The following SKAP1 variants were observed in gnomAD, a reference collection of about 807,000 sequenced individuals.
SKAP1 encodes src kinase associated phosphoprotein 1.
Under a neutral mutation model 58.5 loss-of-function variants are expected in SKAP1, and 44 were observed. The observed-to-expected ratio is 0.75, with a 90% CI of 0.59 to 0.97. SKAP1 has a LOEUF of 0.97. Among genes scored for constraint, SKAP1 ranks in the 50% least tolerant of loss-of-function variants. The pLI is 0.00. For missense variants in SKAP1, 390 were observed against 435.2 expected (o/e 0.90, Z 0.92); for synonymous variants, 127 against 149.7 (o/e 0.85, Z 1.11).
intron 2 of SKAP1, among the ~76,000 whole-genome samples, chr17:48,395,601 T>C (rs1009341865): frequency 5.3e-5 from 8 of 152,222 alleles, no homozygotes; most frequent in Non-Finnish European, 8.8e-5. Context: ...TTTTAAACAC[T>C]CTTTCAACCT....
chr17:48,245,793 G>A (rs1166080212), intron 4 of SKAP1, among the ~76,000 whole-genome samples: 1 of 152,046 alleles, frequency 6.6e-6, no homozygotes, highest in Non-Finnish European at 1.5e-5. Flanking sequence ...CTGGCCAACA[G>A]GGTGAAACCC....
chr17:48,185,473 G>C (rs1348061859), intron 6 of SKAP1, among the ~76,000 whole-genome samples: 1 of 152,070 alleles, frequency 6.6e-6, no homozygotes, highest in African/African-American at 2.4e-5. Context: ...AAAGGAAAAG[G>C]ACCATAAGTG....
chr17:48,169,566 C>T (rs1165966095), intron 10 of SKAP1, among the ~76,000 whole-genome samples: 4 of 152,254 alleles, frequency 2.6e-5, no homozygotes, highest in African/African-American at 9.6e-5. Context: ...CTTTCTTTCT[C>T]TCCTGCTTTG....
At chr17:48,416,703 T>C (rs2067735210) in intron 1 of SKAP1, among the ~76,000 whole-genome samples, 1 of 152,216 alleles carries the variant, frequency 6.6e-6, no homozygotes, top group Non-Finnish European at 1.5e-5. Context: ...AAGTTACATA[T>C]TGCTATTTTA....
intron 4 of SKAP1, among the ~76,000 whole-genome samples, chr17:48,319,188 G>A (rs1362626267): frequency 1.3e-5 from 2 of 152,164 alleles, no homozygotes; most frequent in African/African-American, 2.4e-5. Flanking sequence ...AAGGTACATT[G>A]CAGAAGCACT....
At chr17:48,201,261 T>C (rs1420912087) in intron 4 of SKAP1, among the ~76,000 whole-genome samples, 1 of 152,042 alleles carries the variant, frequency 6.6e-6, no homozygotes, top group Non-Finnish European at 1.5e-5. Flanking sequence ...TCTCTCTCTC[T>C]CTTTTTCCTT....
intron 2 of SKAP1, among the ~76,000 whole-genome samples, chr17:48,372,638 C>T (rs2067101576): frequency 6.6e-6 from 1 of 151,874 alleles, no homozygotes; most frequent in African/African-American, 2.4e-5. Flanking sequence ...CATAAAAACC[C>T]TAGGAGGTCA....
intron 11 of SKAP1, among the ~76,000 whole-genome samples, chr17:48,140,561 T>C (rs942629817): frequency 5.9e-5 from 9 of 152,104 alleles, no homozygotes; most frequent in Non-Finnish European, 1.0e-4. Context: ...TGGACCCCAA[T>C]AGCCAAGTGC....
At chr17:48,367,508 G>A (rs2067019006) in intron 2 of SKAP1, among the ~76,000 whole-genome samples, 2 of 138,728 alleles carry the variant, frequency 1.4e-5, no homozygotes, top group Non-Finnish European at 3.2e-5. Context: ...CTTTCACCAT[G>A]TATATGTGTG....
At chr17:48,410,261 G>A (rs755356095) in intron 1 of SKAP1, among the ~76,000 whole-genome samples, 1 of 152,098 alleles carries the variant, frequency 6.6e-6, no homozygotes, top group Non-Finnish European at 1.5e-5. Context: ...TGATCCATGT[G>A]GTAATGAATT....
At chr17:48,351,643 G>C (rs901391854) in intron 3 of SKAP1, among the ~76,000 whole-genome samples, 7 of 152,112 alleles carry the variant, frequency 4.6e-5, no homozygotes, top group African/African-American at 1.7e-4. Flanking sequence ...TTGAACCTAA[G>C]ACTACAGTTT....
At chr17:48,270,557 G>A (rs1444606107) in intron 4 of SKAP1, among the ~76,000 whole-genome samples, 1 of 151,956 alleles carries the variant, frequency 6.6e-6, no homozygotes, top group Non-Finnish European at 1.5e-5. Context: ...TGGCCAGGCT[G>A]GTCTCGATCT....
chr17:48,354,876 AAG>A (rs1462070487), intron 3 of SKAP1, among the ~76,000 whole-genome samples: 1 of 152,220 alleles, frequency 6.6e-6, no homozygotes, highest in Non-Finnish European at 1.5e-5. Context: ...AAAAACAAAA[AAG>A]CTTGTATTCA....
chr17:48,444,567 C>G, the SKAP1 span, among the ~76,000 whole-genome samples: 2 of 152,196 alleles, frequency 1.3e-5, no homozygotes, highest in Admixed American at 6.5e-5. Flanking sequence ...CTCTCCTTCC[C>G]CTCTCTCTGC....
At chr17:48,397,263 T>C (rs1338479084) in intron 1 of SKAP1, among the ~76,000 whole-genome samples, 1 of 152,214 alleles carries the variant, frequency 6.6e-6, no homozygotes, top group Non-Finnish European at 1.5e-5. Flanking sequence ...TCTCACTCTG[T>C]TGCCCAGGTT....
intron 1 of SKAP1, among the ~76,000 whole-genome samples, chr17:48,401,691 C>T (rs1297667843): frequency 6.6e-6 from 1 of 151,716 alleles, no homozygotes; most frequent in Non-Finnish European, 1.5e-5. Flanking sequence ...AGGTGTAAAT[C>T]TTTGGGTCCT....
intron 6 of SKAP1, chr17:48,185,947 C>T (rs937591017): frequency 3.9e-5 from 6 of 152,134 alleles, no homozygotes; most frequent in African/African-American, 1.4e-4. Context: ...GATTTTATTT[C>T]ACCCTAATGG....
At chr17:48,356,185 T>C (rs1167409233) in intron 3 of SKAP1, among the ~76,000 whole-genome samples, 7 of 151,866 alleles carry the variant, frequency 4.6e-5, no homozygotes, top group East Asian at 1.9e-4. Context: ...TCTTGGGAGA[T>C]GGAAGCTGCA....
intron 3 of SKAP1, among the ~76,000 whole-genome samples, chr17:48,355,659 T>G (rs1435304267): frequency 2.0e-5 from 3 of 151,980 alleles, no homozygotes; most frequent in Non-Finnish European, 4.4e-5. Flanking sequence ...AAACCCCATC[T>G]CTACTAAAAA....
Sources: gnomAD v4.1 joint callset for allele counts (sites outside exome capture counted in the v4.1 genomes callset) on GRCh38, gnomAD v4.1.1 for gene constraint, MANE v1.5 for transcripts, NCBI Gene and HGNC (gene_info 2026-07-23, HGNC 2026-07-21) for gene names.